Variants in CRYBG1 observed in about 807,000 individuals in gnomAD.
The protein encoded by CRYBG1 is crystallin beta-gamma domain containing 1.
Under a neutral mutation model 189.2 loss-of-function variants are expected in CRYBG1, and 139 were observed. That is an observed-to-expected ratio of 0.73 (90% CI 0.64 to 0.85). The LOEUF (loss-of-function observed/expected upper bound fraction) is 0.85, where lower values mean the gene tolerates loss of function less well. Among genes scored for constraint, CRYBG1 ranks in the 40% least tolerant of loss-of-function variants. The pLI, the probability that CRYBG1 is intolerant of heterozygous loss-of-function variation, is 0.00. For missense variants in CRYBG1, 2,611 were observed against 2,675.8 expected, an observed-to-expected ratio of 0.98 and a Z score of 0.53; for synonymous variants, 1,023 against 1,017.1, an observed-to-expected ratio of 1.01 and a Z score of -0.11.
intron 1 of CRYBG1, among the ~76,000 whole-genome samples, chr6:106,445,195 G>A (rs9373865): frequency 6.6e-6 from 1 of 152,130 alleles, no homozygotes; most frequent in Non-Finnish European, 1.5e-5. Flanking sequence ...CTGTAACTTT[G>A]AGGATGCTTT....
At chr6:106,557,182 A>G (rs1774568390) in intron 17 of CRYBG1, among the ~76,000 whole-genome samples, 1 of 152,250 alleles carries the variant, frequency 6.6e-6, no homozygotes, top group South Asian at 2.1e-4. Flanking sequence ...AGTGCAAAGT[A>G]GTAATACTAC....
chr6:106,532,638 T>A (rs1212561229), intron 8 of CRYBG1, among the ~76,000 whole-genome samples: 1 of 152,222 alleles, frequency 6.6e-6, no homozygotes, highest in Non-Finnish European at 1.5e-5. Context: ...TGGTTTTGAT[T>A]TGCATTTCCC....
rs545273387 is a variant in CRYBG1, at chr6:106,399,156, G to A, written c.173+38075G>A. On this transcript the variant is annotated intron_variant, in intron 1 of 21. Coordinates refer to ENST00000633556, the MANE Select transcript of CRYBG1 (RefSeq NM_001371242.2). ...TTAATTTCAGCCATTGAAGAAGCCT[G>A]ATGAATCCCACTTCCTGTCAAAACT... is the stretch of plus-strand genomic sequence containing the variant. 2.0e-5 allele frequency among the ~76,000 whole-genome samples: 3 copies of A among 152,314 alleles called. No homozygotes were observed. In the South Asian group the frequency reaches 6.2e-4, roughly 32 times the overall value.
intron 2 of CRYBG1, among the ~76,000 whole-genome samples, chr6:106,493,606 T>C (rs1396658808): frequency 6.6e-6 from 1 of 152,260 alleles, no homozygotes; most frequent in South Asian, 2.1e-4. Context: ...CATCAACAGA[T>C]AAATGGATAA....
At chr6:106,439,050 GAAAA>G (rs11313505) in intron 1 of CRYBG1, among the ~76,000 whole-genome samples, 10 of 131,820 alleles carry the variant, frequency 7.6e-5, no homozygotes, top group Admixed American at 1.5e-4. Flanking sequence ...CTTAAAAAAT[GAAAA>G]AAAAAAAAAA....
intron 1 of CRYBG1, among the ~76,000 whole-genome samples, chr6:106,386,062 C>A (rs1200321278): frequency 6.6e-6 from 1 of 152,184 alleles, no homozygotes; most frequent in African/African-American, 2.4e-5. Flanking sequence ...CGTGGCGAAG[C>A]AGTTTTGAAG....
rs1019794095 is a variant in CRYBG1, at chr6:106,360,833, A to T, written c.-76A>T. On this transcript the variant is annotated 5_prime_UTR_variant, in exon 1 of 22. Transcript: ENST00000633556. ...GAGAAAGGCGGGCGAGCTGGCGCTCAGGTGTGTTCTTCCATAGGGCCCGGG... is the reference window on the plus strand; with the variant it reads ...GAGAAAGGCGGGCGAGCTGGCGCTCTGGTGTGTTCTTCCATAGGGCCCGGG... The T allele has an allele frequency of 3.5e-6, 5 of 1,416,002 alleles. No individual in the cohort carries two copies. Among genetic ancestry groups the T allele is most frequent in the Non-Finnish European group, 4.6e-6 (5 of 1,085,476 alleles). The allele number at this position is 1,416,002 out of a possible 1,614,324, so 87.7% of individuals were successfully genotyped here. A position where few individuals can be genotyped will look rare whatever the true frequency, so the allele number is the denominator to read the frequency against.
In CRYBG1 at chr6:106,368,023, T is replaced by C. The variant is rs1342509936; in HGVS notation, c.173+6942T>C. On this transcript the variant is annotated intron_variant, in intron 1 of 21. Coordinates refer to ENST00000633556, the MANE Select transcript of CRYBG1 (RefSeq NM_001371242.2). The stretch of plus-strand genomic sequence containing the variant: ...TAGTGAGTTGCTGCTGTAGTATTTG[T>C]CCACAATTAAAACAATGTAGTAAAC... 2.0e-5 allele frequency among the ~76,000 whole-genome samples: 3 copies of C among 152,156 alleles called. No homozygotes were observed. In the East Asian group the frequency reaches 5.8e-4, roughly 29 times the overall value.
At chr6:106,451,430 T>C in intron 1 of CRYBG1, 1 of 267,940 alleles carries the variant, frequency 3.7e-6, no homozygotes, top group South Asian at 1.4e-4. Flanking sequence ...CTAGTTTCTG[T>C]CTACCTCTAT....
At chr6:106,433,433 G>A (rs7767036) in intron 1 of CRYBG1, among the ~76,000 whole-genome samples, 105,462 of 151,766 alleles carry the variant, frequency 0.69, 36,954 homozygotes, top group East Asian at 0.9. Context: ...GTACTCGTGG[G>A]TTATCAGTCC....
chr6:106,459,393 C>T (rs1191293535), intron 2 of CRYBG1, among the ~76,000 whole-genome samples: 1 of 151,686 alleles, frequency 6.6e-6, no homozygotes, highest in Non-Finnish European at 1.5e-5. Flanking sequence ...ATTATATTAG[C>T]TTGCTGCAAA....
intron 1 of CRYBG1, among the ~76,000 whole-genome samples, chr6:106,415,684 C>A (rs1419430137): frequency 6.6e-6 from 1 of 152,020 alleles, no homozygotes; most frequent in Admixed American, 6.6e-5. Flanking sequence ...CATGATCATA[C>A]CACTGCACTC....
chr6:106,502,819 C>G (rs1230749203), intron 2 of CRYBG1, among the ~76,000 whole-genome samples: 1 of 144,172 alleles, frequency 6.9e-6, no homozygotes, highest in East Asian at 2.0e-4. Flanking sequence ...CCAAGAAGGG[C>G]TAAAAAAAAC....
At position 106,525,359 on chromosome 6, in the gene CRYBG1, T is replaced by A. The variant is rs184010756; in HGVS notation, c.4385T>A (p.Val1462Glu). 189 of 1,614,092 alleles carry A rather than the reference T, an allele frequency of 1.2e-4. No individual in the cohort carries two copies. The highest frequency in any genetic ancestry group is 5.0e-4 in the Middle Eastern group (3 of 6,060). ...TGCAGTTCTTGGAGCCTCTCTCCAG[T>A]GATACTCATAAAAGTTGTTAGAGGA... The part of the protein sequence containing the change: ...QDCSSWSLSP[V>E]ILIKVVRGCW... Residue 1462 changes from valine (V) to glutamate (E), a missense_variant, in exon 6 of 22, where the codon GTG becomes GAG. By Grantham distance (121) the Val-to-Glu change is moderately radical. This residue lies in a region of CRYBG1 where 1,622 missense variants were observed against 1,735.0 expected (regional missense o/e 0.93). Transcript: ENST00000633556.
intron 1 of CRYBG1, among the ~76,000 whole-genome samples, chr6:106,377,066 T>C (rs55737357): frequency 7.9e-5 from 12 of 152,326 alleles, no homozygotes; most frequent in Non-Finnish European, 1.6e-4. Context: ...ATACCTTCCC[T>C]GCCAAATGTT....
At chr6:106,527,206 C>A (rs1430251561) in intron 6 of CRYBG1, 99 bp from the exon 7 acceptor site, 7 of 903,658 alleles carry the variant, frequency 7.7e-6, no homozygotes, top group Admixed American at 2.9e-5. Flanking sequence ...TGCTAATATT[C>A]TATATATATA....
At position 106,568,676 on chromosome 6, in the gene CRYBG1, T is replaced by C; in HGVS notation, c.*110T>C. The C allele has an allele frequency of 1.4e-6, 1 of 723,936 alleles. No homozygotes were observed. The highest frequency in any genetic ancestry group is 2.3e-6 in the Non-Finnish European group (1 of 425,962). 44.8% of individuals were successfully genotyped at this position (723,936 alleles called of 1,614,324 possible). On this transcript the variant is annotated 3_prime_UTR_variant, in exon 22 of 22. Transcript: ENST00000633556. Reference sequence around the variant, plus strand: ...GAAAGTGGATCGACTCCTCCTTCATTGATTCTAAATTCAACCTTAAATCAT... The same window carrying C: ...GAAAGTGGATCGACTCCTCCTTCATCGATTCTAAATTCAACCTTAAATCAT...
At chr6:106,481,880 C>T (rs1296212934) in intron 2 of CRYBG1, among the ~76,000 whole-genome samples, 1 of 152,226 alleles carries the variant, frequency 6.6e-6, no homozygotes, top group Non-Finnish European at 1.5e-5. Flanking sequence ...TAGGATACTA[C>T]TCATGGGGGT....
intron 3 of CRYBG1, among the ~76,000 whole-genome samples, chr6:106,517,409 CACATATAT>C (rs1773459779): frequency 7.4e-6 from 1 of 135,788 alleles, no homozygotes; most frequent in African/African-American, 2.9e-5. Flanking sequence ...TATACACACA[CACATATAT>C]ACACATATAT....
Sources: allele counts gnomAD v4.1 joint callset (sites outside exome capture counted in the v4.1 genomes callset), GRCh38; gene constraint gnomAD v4.1.1; regional missense constraint gnomAD v4.1.1; transcripts MANE v1.5; gene names NCBI Gene and HGNC (gene_info 2026-07-23, HGNC 2026-07-21).